DHX32: variants seen among roughly 807,000 people sequenced by gnomAD.
DHX32 encodes the protein DEAH-box helicase 32 (putative), also known as putative pre-mRNA-splicing factor ATP-dependent RNA helicase DHX32.
DHX32 carries 51 observed loss-of-function variants against 70.0 expected under a neutral mutation model. The ratio of observed to expected loss-of-function variants is 0.73; its 90% CI spans 0.58 to 0.92. The LOEUF (loss-of-function observed/expected upper bound fraction) is 0.92, where lower values mean the gene tolerates loss of function less well. DHX32 is among the 40% of genes least tolerant of loss of function. The pLI is 0.00. For synonymous variants in DHX32, 310 were observed against 315.3 expected, an observed-to-expected ratio of 0.98 and a Z score of 0.18; for missense variants, 762 against 891.8, an observed-to-expected ratio of 0.85 and a Z score of 1.85.
intron 2 of DHX32, among the ~76,000 whole-genome samples, chr10:125,861,379 A>C (rs1373534271): frequency 2.6e-5 from 4 of 151,940 alleles, no homozygotes; most frequent in Non-Finnish European, 5.9e-5. Context: ...CGCCTGTAGT[A>C]CCAGCTACCC....
intron 3 of DHX32, among the ~76,000 whole-genome samples, chr10:125,859,336 C>G (rs1281991240): frequency 6.6e-6 from 1 of 152,194 alleles, no homozygotes; most frequent in Non-Finnish European, 1.5e-5. Flanking sequence ...GCCTTTGGGG[C>G]AGCCACTCTC....
chr10:125,844,106 C>T (rs1854949842), intron 6 of DHX32, among the ~76,000 whole-genome samples: 1 of 152,086 alleles, frequency 6.6e-6, no homozygotes, highest in Non-Finnish European at 1.5e-5. Context: ...TGAGAAATCA[C>T]AATCATGGGA....
chr10:125,843,014 T>C (rs766826993), intron 6 of DHX32, among the ~76,000 whole-genome samples: 1 of 152,130 alleles, frequency 6.6e-6, no homozygotes. Context: ...CAATTATTTT[T>C]GCACCAACCT....
intron 10 of DHX32, among the ~76,000 whole-genome samples, chr10:125,837,197 GGA>G (rs1171169450): frequency 4.6e-5 from 7 of 152,308 alleles, no homozygotes; most frequent in East Asian, 3.9e-4. Flanking sequence ...TTTGGGTAGG[GGA>G]GAGAGGGGGT....
At chr10:125,850,354 CTTTTTT>C (rs765077777) in intron 6 of DHX32, among the ~76,000 whole-genome samples, 1 of 124,560 alleles carries the variant, frequency 8.0e-6, no homozygotes, top group Non-Finnish European at 1.7e-5. Context: ...TTCTTTCTTT[CTTTTTT>C]TTTTTTTTTT....
Position 125,880,940 on chromosome 10 carries a change from C to CT in DHX32, c.-117dup. ...TATACAAACCCGTATGTTCCAATCT[C>CT]TAAGACTTCAGTTCAAGGTTTTAGC... On this transcript the variant is annotated 5_prime_UTR_variant, in exon 1 of 11. Coordinates refer to ENST00000284690, the MANE Select transcript of DHX32 (RefSeq NM_018180.3). 8.0e-7 allele frequency: 1 copy of CT among 1,254,044 alleles called. No homozygotes were observed. The highest frequency in any genetic ancestry group is 1.1e-6 in the Non-Finnish European group (1 of 908,208). 77.7% of individuals were successfully genotyped at this position (1,254,044 alleles called of 1,614,324 possible). A position where few individuals can be genotyped will look rare whatever the true frequency, so the allele number is the denominator to read the frequency against.
chr10:125,843,096 A>G (rs1244516918), intron 6 of DHX32, among the ~76,000 whole-genome samples: 1 of 152,030 alleles, frequency 6.6e-6, no homozygotes, highest in Non-Finnish European at 1.5e-5. Flanking sequence ...AGGTCACACA[A>G]TGAAGCAAAT....
In DHX32 at chr10:125,842,970, C is replaced by T. The variant is rs528342098; in HGVS notation, c.1352-1036G>A. On this transcript the variant is annotated intron_variant, in intron 6 of 10. Coordinates refer to ENST00000284690, the MANE Select transcript of DHX32 (RefSeq NM_018180.3). ...ATATAGATTGGTGCAAAAGTAATTGCGGTTTTTGCCATTACTTTCAATGGC... is the reference window on the plus strand; with the variant it reads ...ATATAGATTGGTGCAAAAGTAATTGTGGTTTTTGCCATTACTTTCAATGGC... Among the ~76,000 whole-genome samples the T allele has an allele frequency of 2.3e-4, 35 of 152,016 alleles. No individual in the cohort carries two copies. In the East Asian group the frequency reaches 4.1e-3, roughly 18 times the overall value.
intron 7 of DHX32, 93 bp from the exon 8 acceptor site, chr10:125,841,089 C>A: frequency 6.9e-7 from 1 of 1,447,986 alleles, no homozygotes. Flanking sequence ...CTGTTAGTGG[C>A]ATGGCTCCTG....
At chr10:125,857,709 T>C (rs1180494611) in intron 3 of DHX32, among the ~76,000 whole-genome samples, 1 of 152,156 alleles carries the variant, frequency 6.6e-6, no homozygotes, top group Non-Finnish European at 1.5e-5. Context: ...CTTATAAGAA[T>C]CATGTACTCT....
intron 6 of DHX32, among the ~76,000 whole-genome samples, chr10:125,848,190 A>G (rs766886322): frequency 2.1e-4 from 32 of 152,192 alleles, no homozygotes; most frequent in Non-Finnish European, 4.1e-4. Context: ...GAGATGGTGT[A>G]GACCCTAAGA....
At chr10:125,861,992 G>A (rs1165154065) in intron 2 of DHX32, among the ~76,000 whole-genome samples, 2 of 151,498 alleles carry the variant, frequency 1.3e-5, no homozygotes, top group Non-Finnish European at 2.9e-5. Context: ...TCACTAAGCT[G>A]GTGTATATGT....
chr10:125,872,409 A>G (rs1356836491), intron 1 of DHX32, among the ~76,000 whole-genome samples: 9 of 152,312 alleles, frequency 5.9e-5, no homozygotes, highest in East Asian at 3.9e-4. Flanking sequence ...CTTTTTTCAG[A>G]GAAACATTGA....
chr10:125,853,920 C>CCA, intron 4 of DHX32, 41 bp downstream of exon 4: 4 of 1,585,570 alleles, frequency 2.5e-6, no homozygotes, highest in Non-Finnish European at 3.4e-6. Context: ...TAGTGCTTGA[C>CCA]AACGATCAGC....
intron 1 of DHX32, among the ~76,000 whole-genome samples, chr10:125,875,940 G>A (rs1168787901): frequency 6.6e-6 from 1 of 152,214 alleles, no homozygotes; most frequent in East Asian, 1.9e-4. Flanking sequence ...AGATGTAGGT[G>A]TAGTTAAATG....
At chr10:125,856,381 T>C (rs755193147) in intron 3 of DHX32, among the ~76,000 whole-genome samples, 15 of 152,218 alleles carry the variant, frequency 9.9e-5, no homozygotes, top group Non-Finnish European at 1.6e-4. Flanking sequence ...TTATCGTAAA[T>C]CTCAATGTAT....
At chr10:125,871,065 A>T (rs778158148) in intron 1 of DHX32, among the ~76,000 whole-genome samples, 1 of 152,236 alleles carries the variant, frequency 6.6e-6, no homozygotes, top group African/African-American at 2.4e-5. Flanking sequence ...GATTCCAATG[A>T]TCATGAGCCA....
At position 125,836,874 on chromosome 10, in the gene DHX32, A is replaced by G; in HGVS notation, c.2064-19T>C. 6.2e-7 allele frequency: 1 copy of G among 1,611,340 alleles called. No homozygotes were observed. The highest frequency in any genetic ancestry group is 8.5e-7 in the Non-Finnish European group (1 of 1,177,854). On this transcript the variant is annotated intron_variant, in intron 10 of 10. Coordinates refer to ENST00000284690, the MANE Select transcript of DHX32 (RefSeq NM_018180.3). ...CATAAATCTGTTTATTTAAGACAAAAAGATGAGATTATGAGTGGGGAAGGT... is the reference window on the plus strand; with the variant it reads ...CATAAATCTGTTTATTTAAGACAAAGAGATGAGATTATGAGTGGGGAAGGT...
chr10:125,870,626 C>T (rs1944250264), intron 1 of DHX32, among the ~76,000 whole-genome samples: 1 of 152,036 alleles, frequency 6.6e-6, no homozygotes, highest in African/African-American at 2.4e-5. Flanking sequence ...TTTGAGAGGT[C>T]AGGAGTTTGA....
Sources: allele counts gnomAD v4.1 joint callset (sites outside exome capture counted in the v4.1 genomes callset), GRCh38; gene constraint gnomAD v4.1.1; transcripts MANE v1.5; gene names NCBI Gene and HGNC (gene_info 2026-07-23, HGNC 2026-07-21).